The following SCHIP1 variants were observed in gnomAD, a reference collection of about 807,000 sequenced individuals.
The protein encoded by SCHIP1 is schwannomin interacting protein 1.
In SCHIP1, 8 loss-of-function variants were observed where a neutral mutation model predicts 29.7. The ratio of observed to expected loss-of-function variants is 0.27; its 90% CI spans 0.16 to 0.49. The LOEUF (loss-of-function observed/expected upper bound fraction) is 0.49, where lower values mean the gene tolerates loss of function less well. Ranked by LOEUF, SCHIP1 falls within the 20% of genes least tolerant of loss-of-function variation. The probability of loss-of-function intolerance (pLI) is 0.99; values close to 1 mark genes in which losing one functional copy is unlikely to be tolerated. For synonymous variants in SCHIP1, 76 were observed against 94.9 expected (o/e 0.80, Z 1.16); for missense variants, 193 against 294.6 (o/e 0.66, Z 2.52).
chr3:159,449,099 A>T, the SCHIP1 span, among the ~76,000 whole-genome samples: 1 of 152,222 alleles, frequency 6.6e-6, no homozygotes, highest in Admixed American at 6.5e-5. Context: ...TTGCATAATC[A>T]TGCCCTGATT....
At chr3:159,585,727 A>G in the SCHIP1 span, among the ~76,000 whole-genome samples, 1 of 152,206 alleles carries the variant, frequency 6.6e-6, no homozygotes, top group Non-Finnish European at 1.5e-5. Context: ...TATGAAAGAG[A>G]TAGAACTTGA....
intron 2 of SCHIP1, among the ~76,000 whole-genome samples, chr3:159,871,485 G>A (rs1451615537): frequency 6.6e-6 from 1 of 152,110 alleles, no homozygotes; most frequent in Non-Finnish European, 1.5e-5. Context: ...GTTCACCACT[G>A]TAACTATTGC....
At chr3:159,470,594 T>C in the SCHIP1 span, among the ~76,000 whole-genome samples, 1 of 152,106 alleles carries the variant, frequency 6.6e-6, no homozygotes, top group Admixed American at 6.6e-5. Flanking sequence ...ACACACATGA[T>C]AAAATAAAAG....
At chr3:159,571,408 T>A in the SCHIP1 span, among the ~76,000 whole-genome samples, 2 of 152,226 alleles carry the variant, frequency 1.3e-5, no homozygotes, top group Admixed American at 6.5e-5. Flanking sequence ...TTATCATTGG[T>A]TCTGTTTATA....
chr3:159,748,262 AGT>A, the SCHIP1 span, among the ~76,000 whole-genome samples: 3 of 152,232 alleles, frequency 2.0e-5, no homozygotes, highest in Admixed American at 6.5e-5. Context: ...TATTTTTTAA[AGT>A]GTGTCTCAAA....
the SCHIP1 span, among the ~76,000 whole-genome samples, chr3:159,478,080 G>A: frequency 6.6e-6 from 1 of 151,550 alleles, no homozygotes; most frequent in Non-Finnish European, 1.5e-5. Context: ...ACACCACCAC[G>A]TGCAGCTAAT....
At chr3:159,332,071 G>A in the SCHIP1 span, among the ~76,000 whole-genome samples, 1 of 152,104 alleles carries the variant, frequency 6.6e-6, no homozygotes, top group Non-Finnish European at 1.5e-5. Context: ...CCCCAAATGT[G>A]GCTTTGCTTG....
the SCHIP1 span, among the ~76,000 whole-genome samples, chr3:159,700,813 CAA>C: frequency 1.5e-4 from 14 of 90,862 alleles, no homozygotes; most frequent in Admixed American, 3.5e-4. Context: ...GAATCCAACT[CAA>C]AAAAAAAAAA....
chr3:159,467,853 G>A, the SCHIP1 span, among the ~76,000 whole-genome samples: 1 of 152,082 alleles, frequency 6.6e-6, no homozygotes, highest in Non-Finnish European at 1.5e-5. Flanking sequence ...TAAATATCTT[G>A]TAGAGAGGAC....
the SCHIP1 span, among the ~76,000 whole-genome samples, chr3:159,543,845 G>T: frequency 1.3e-5 from 2 of 152,236 alleles, no homozygotes; most frequent in African/African-American, 2.4e-5. Context: ...CAGTGTAAAA[G>T]TGTTCCTATT....
rs904151799 is a variant in SCHIP1, at chr3:159,851,347, A to G, written c.30+11133A>G. On this transcript the variant is annotated intron_variant, in intron 1 of 6. Transcript: ENST00000445224. Reference sequence around the variant, plus strand: ...TATTCAGCACAATTATTTCTTACAGAGGCAGCCAGTGTGGGATGGTTAGAG... The same window carrying G: ...TATTCAGCACAATTATTTCTTACAGGGGCAGCCAGTGTGGGATGGTTAGAG... 2.6e-4 allele frequency among the ~76,000 whole-genome samples: 39 copies of G among 152,340 alleles called. 1 individual carries two copies. Among genetic ancestry groups the G allele is most frequent in the Admixed American group, 2.0e-3 (30 of 15,300 alleles).
the SCHIP1 span, among the ~76,000 whole-genome samples, chr3:159,457,396 G>GT: frequency 0.21 from 30,723 of 144,742 alleles, 3,300 homozygotes; most frequent in South Asian, 0.34. Context: ...TGCTGTTTCT[G>GT]TTTTTTTTTT....
At chr3:159,444,092 G>A in the SCHIP1 span, among the ~76,000 whole-genome samples, 1 of 152,124 alleles carries the variant, frequency 6.6e-6, no homozygotes, top group East Asian at 1.9e-4. Flanking sequence ...AGCACTGAGA[G>A]GGGGTGGTGA....
the SCHIP1 span, among the ~76,000 whole-genome samples, chr3:159,821,652 T>A: frequency 6.6e-6 from 1 of 152,248 alleles, no homozygotes; most frequent in Non-Finnish European, 1.5e-5. Flanking sequence ...ATTTTTCCTT[T>A]TTCACAATTT....
the SCHIP1 span, among the ~76,000 whole-genome samples, chr3:159,482,002 A>G: frequency 5.3e-5 from 8 of 151,976 alleles, no homozygotes; most frequent in African/African-American, 1.9e-4. Flanking sequence ...GTGTTAGGGG[A>G]GGTGGTATGA....
At chr3:159,757,615 G>A in the SCHIP1 span, among the ~76,000 whole-genome samples, 2 of 152,166 alleles carry the variant, frequency 1.3e-5, no homozygotes, top group Non-Finnish European at 2.9e-5. Flanking sequence ...CTGGCCCCTG[G>A]AGGCACCTAA....
At chr3:159,869,406 G>A (rs575111526) in intron 2 of SCHIP1, among the ~76,000 whole-genome samples, 108 of 151,970 alleles carry the variant, frequency 7.1e-4, no homozygotes, top group Non-Finnish European at 1.1e-3. Context: ...GTCAAAAGTT[G>A]ATTTCTTGAT....
chr3:159,588,242 T>A, the SCHIP1 span, among the ~76,000 whole-genome samples: 27 of 152,368 alleles, frequency 1.8e-4, no homozygotes, highest in African/African-American at 6.5e-4. Context: ...TTTTTTCATG[T>A]GTCTGTTGGC....
At chr3:159,664,598 G>A in the SCHIP1 span, among the ~76,000 whole-genome samples, 2 of 152,206 alleles carry the variant, frequency 1.3e-5, no homozygotes, top group Non-Finnish European at 2.9e-5. Flanking sequence ...ATGCCAATTA[G>A]TAAAAATTAT....
Sources: gnomAD v4.1 joint callset for allele counts (sites outside exome capture counted in the v4.1 genomes callset) on GRCh38, gnomAD v4.1.1 for gene constraint, MANE v1.5 for transcripts, NCBI Gene and HGNC (gene_info 2026-07-23, HGNC 2026-07-21) for gene names.